The following CEP120 variants were observed in gnomAD, a reference collection of about 807,000 sequenced individuals.
CEP120 encodes centrosomal protein 120.
A neutral mutation model predicts 126.5 loss-of-function variants in CEP120; 113 were observed. The ratio of observed to expected loss-of-function variants is 0.89; its 90% CI spans 0.77 to 1.04. The LOEUF (loss-of-function observed/expected upper bound fraction) is 1.04. Ranked by LOEUF, CEP120 falls within the 50% of genes least tolerant of loss-of-function variation. The probability of loss-of-function intolerance (pLI) is 0.00; values close to 1 mark genes in which losing one functional copy is unlikely to be tolerated. For missense variants in CEP120, 1,230 were observed against 1,155.7 expected (o/e 1.06, Z -0.93); for synonymous variants, 400 against 394.3 (o/e 1.01, Z -0.17).
intron 4 of CEP120, among the ~76,000 whole-genome samples, chr5:123,411,372 C>A (rs1210104767): frequency 2.6e-5 from 4 of 152,176 alleles, no homozygotes; most frequent in East Asian, 3.8e-4. Context: ...ACATAAGAAC[C>A]TGCACACAGA....
chr5:123,364,462 A>AAGAT (rs1323358327), intron 18 of CEP120, 34 bp downstream of exon 18: 3 of 1,410,346 alleles, frequency 2.1e-6, no homozygotes, highest in Non-Finnish European at 2.0e-6. Context: ...ACAAGGGAAA[A>AAGAT]AGATATAAAA....
intron 4 of CEP120, among the ~76,000 whole-genome samples, chr5:123,405,218 G>A (rs185444647): frequency 4.6e-5 from 7 of 152,258 alleles, no homozygotes; most frequent in Admixed American, 6.5e-5. Flanking sequence ...GTAGGAAAAC[G>A]TGAACTGGGA....
intron 9 of CEP120, 49 bp from the exon 10 acceptor site, chr5:123,386,716 T>G (rs1349742914): frequency 7.7e-7 from 1 of 1,290,358 alleles, no homozygotes; most frequent in African/African-American, 1.6e-5. Flanking sequence ...TGATATGGTT[T>G]ACAGATGACA....
In CEP120 at chr5:123,382,813, C is replaced by G; in HGVS notation, c.1937G>C (p.Arg646Pro). 1 of 1,613,412 alleles carries G rather than the reference C, an allele frequency of 6.2e-7. No homozygotes were observed. Among genetic ancestry groups the G allele is most frequent in the Non-Finnish European group, 8.5e-7 (1 of 1,179,644 alleles). ...TGCTGCTTTGTATTCTAACGTTTCA[C>G]GAGGCTCTGTCTGGATCTCTGAAGG... ...PCPSEIQTEP[R>P]ETLEYKAALE... is the part of the protein sequence containing the mutation. Residue 646 changes from arginine to proline, a missense_variant, in exon 13 of 20, where the codon CGT (arginine) becomes CCT (proline). Coordinates refer to ENST00000306467, the MANE Select transcript of CEP120 (RefSeq NM_001375405.1).
At chr5:123,348,413 G>A (rs942496842) in intron 19 of CEP120, among the ~76,000 whole-genome samples, 5 of 152,092 alleles carry the variant, frequency 3.3e-5, no homozygotes, top group African/African-American at 4.8e-5. Flanking sequence ...GGAAGGCAAG[G>A]ATATTATAAT....
At chr5:123,412,246 A>G (rs2127126347) in intron 4 of CEP120, among the ~76,000 whole-genome samples, 153 bp downstream of exon 4, 1 of 152,374 alleles carries the variant, frequency 6.6e-6, no homozygotes, top group Non-Finnish European at 1.5e-5. Context: ...AAGAGCTAAG[A>G]GCAACAAGTG....
intron 11 of CEP120, among the ~76,000 whole-genome samples, chr5:123,383,507 T>C (rs1386988830): frequency 1.3e-5 from 2 of 152,140 alleles, no homozygotes; most frequent in African/African-American, 4.8e-5. Flanking sequence ...CATCATAACA[T>C]TAATTTAAAA....
chr5:123,361,551 C>T (rs1445116869), intron 18 of CEP120, among the ~76,000 whole-genome samples: 1 of 151,824 alleles, frequency 6.6e-6, no homozygotes, highest in Admixed American at 6.6e-5. Context: ...CACTCTTGCA[C>T]ATCTGTACAT....
chr5:123,378,070 C>A (rs936299352), intron 15 of CEP120, among the ~76,000 whole-genome samples: 6 of 152,014 alleles, frequency 3.9e-5, no homozygotes, highest in African/African-American at 1.4e-4. Context: ...GTATGAATTT[C>A]ATATATAGAC....
At chr5:123,383,631 CT>C (rs1159585480) in intron 11 of CEP120, among the ~76,000 whole-genome samples, 1 of 151,900 alleles carries the variant, frequency 6.6e-6, no homozygotes, top group East Asian at 1.9e-4. Context: ...CTTTTTTCTA[CT>C]TTTCCTGGGA....
At chr5:123,375,352 T>C (rs1219395691) in intron 16 of CEP120, among the ~76,000 whole-genome samples, 1 of 151,882 alleles carries the variant, frequency 6.6e-6, no homozygotes, top group African/African-American at 2.4e-5. Context: ...AGACACCGTC[T>C]CATTCGGTTG....
At chr5:123,367,395 T>C (rs539612387) in intron 17 of CEP120, among the ~76,000 whole-genome samples, 8 of 152,012 alleles carry the variant, frequency 5.3e-5, no homozygotes, top group African/African-American at 1.9e-4. Context: ...TCCCAATTAT[T>C]GAAGCTATAT....
chr5:123,367,737 A>C (rs1269554769), intron 17 of CEP120, among the ~76,000 whole-genome samples: 1 of 152,002 alleles, frequency 6.6e-6, no homozygotes, highest in Non-Finnish European at 1.5e-5. Context: ...TGCTAAAACT[A>C]TATGTTTATG....
chr5:123,349,909 T>A lies in CEP120; in HGVS notation c.2726+35A>T, dbSNP rs200503219. 4.3e-4 allele frequency: 681 copies of A among 1,596,622 alleles called. 1 individual carries two copies. The highest frequency in any genetic ancestry group is 5.4e-4 in the Non-Finnish European group (637 of 1,170,574). Reference sequence around the variant, plus strand: ...AGTTGTACCTTCCCTGAACCAAACTTTGGCTTTTGAAAGAAACACTTTTAG... The same window carrying A: ...AGTTGTACCTTCCCTGAACCAAACTATGGCTTTTGAAAGAAACACTTTTAG... On this transcript the variant is annotated intron_variant, in intron 19 of 19. Coordinates refer to ENST00000306467, the MANE Select transcript of CEP120 (RefSeq NM_001375405.1).
intron 19 of CEP120, among the ~76,000 whole-genome samples, chr5:123,347,490 T>C (rs1354928767): frequency 2.6e-5 from 4 of 152,154 alleles, no homozygotes; most frequent in African/African-American, 4.8e-5. Flanking sequence ...GGCATATGCA[T>C]GTTAAGGTTT....
chr5:123,418,819 G>A (rs552842362), intron 1 of CEP120, among the ~76,000 whole-genome samples: 1 of 152,032 alleles, frequency 6.6e-6, no homozygotes, highest in South Asian at 2.1e-4. Flanking sequence ...CTGACTTCAG[G>A]TGATCTACCT....
chr5:123,362,551 A>G (rs1298304767), intron 18 of CEP120, among the ~76,000 whole-genome samples: 1 of 151,734 alleles, frequency 6.6e-6, no homozygotes, highest in Non-Finnish European at 1.5e-5. Flanking sequence ...TAAAATGGGA[A>G]TATTACCTGC....
At chr5:123,383,524 T>A in intron 11 of CEP120, among the ~76,000 whole-genome samples, 1 of 149,418 alleles carries the variant, frequency 6.7e-6, no homozygotes. Flanking sequence ...AAAAATGTGA[T>A]TTTTTTTTTA....
intron 4 of CEP120, among the ~76,000 whole-genome samples, chr5:123,403,496 C>T (rs1773419544): frequency 6.6e-6 from 1 of 152,190 alleles, no homozygotes. Flanking sequence ...TGTAAATTCA[C>T]ACTGATATAA....
Sources: allele counts gnomAD v4.1 joint callset (sites outside exome capture counted in the v4.1 genomes callset), GRCh38; gene constraint gnomAD v4.1.1; transcripts MANE v1.5; gene names NCBI Gene and HGNC (gene_info 2026-07-23, HGNC 2026-07-21).